Variants in SNTG1 observed in about 807,000 individuals in gnomAD.
The protein encoded by SNTG1 is gamma-1-syntrophin.
SNTG1 carries 39 observed loss-of-function variants against 74.7 expected under a neutral mutation model. That is an observed-to-expected ratio of 0.52 (90% confidence interval 0.40 to 0.68). The LOEUF (loss-of-function observed/expected upper bound fraction) is 0.68. SNTG1 is among the 30% of genes least tolerant of loss of function. The pLI is 0.00. For missense variants in SNTG1, 685 were observed against 609.5 expected, an observed-to-expected ratio of 1.12 and a Z score of -1.30; for synonymous variants, 254 against 217.1, an observed-to-expected ratio of 1.17 and a Z score of -1.49.
At chr8:50,764,659 T>C (rs954974483) in intron 18 of SNTG1, among the ~76,000 whole-genome samples, 9 of 151,950 alleles carry the variant, frequency 5.9e-5, no homozygotes, top group African/African-American at 1.7e-4. Context: ...AGGGAACCCC[T>C]GTATGCTGTT....
At chr8:50,000,515 G>T (rs1814645895) in intron 1 of SNTG1, among the ~76,000 whole-genome samples, 1 of 151,912 alleles carries the variant, frequency 6.6e-6, no homozygotes, top group Non-Finnish European at 1.5e-5. Context: ...CAATGTAAAG[G>T]GTGTTTAAAG....
chr8:50,111,895 TA>T (rs2080607147), intron 1 of SNTG1, among the ~76,000 whole-genome samples: 1 of 151,958 alleles, frequency 6.6e-6, no homozygotes, highest in African/African-American at 2.4e-5. Flanking sequence ...CTTTCAGAGT[TA>T]AAAAACTCAC....
chr8:50,196,259 C>G (rs1334464623), intron 2 of SNTG1, among the ~76,000 whole-genome samples: 1 of 152,008 alleles, frequency 6.6e-6, no homozygotes. Context: ...ACAGAAGACC[C>G]TGATTTGCCA....
At chr8:50,523,217 T>C (rs1049521941) in intron 9 of SNTG1, among the ~76,000 whole-genome samples, 1 of 152,198 alleles carries the variant, frequency 6.6e-6, no homozygotes, top group Non-Finnish European at 1.5e-5. Flanking sequence ...GATGGATTGA[T>C]CTATCCAGGC....
intron 13 of SNTG1, among the ~76,000 whole-genome samples, chr8:50,603,294 A>G (rs897871771): frequency 1.6e-4 from 25 of 152,076 alleles, no homozygotes; most frequent in African/African-American, 5.1e-4. Context: ...CTATTAAGAC[A>G]CTCTGATGCA....
intron 11 of SNTG1, among the ~76,000 whole-genome samples, chr8:50,540,402 A>G (rs1479375306): frequency 6.6e-6 from 1 of 152,040 alleles, no homozygotes; most frequent in Admixed American, 6.6e-5. Context: ...TTGAGGCTTG[A>G]TTTTACTCAG....
chr8:50,041,955 G>A (rs1314578167), intron 1 of SNTG1, among the ~76,000 whole-genome samples: 1 of 151,978 alleles, frequency 6.6e-6, no homozygotes, highest in Non-Finnish European at 1.5e-5. Context: ...TCTCTATCTT[G>A]TCTTATATAG....
At chr8:50,658,270 AT>A (rs1334116247) in intron 14 of SNTG1, among the ~76,000 whole-genome samples, 1 of 151,840 alleles carries the variant, frequency 6.6e-6, no homozygotes, top group Non-Finnish European at 1.5e-5. Flanking sequence ...TAAAAAAAAA[AT>A]ATGAGTGTGG....
At chr8:50,086,426 C>T (rs930968197) in intron 1 of SNTG1, among the ~76,000 whole-genome samples, 2 of 152,052 alleles carry the variant, frequency 1.3e-5, no homozygotes, top group African/African-American at 4.8e-5. Flanking sequence ...CACAAGGCCA[C>T]AGAAGGGATA....
chr8:50,262,356 A>G (rs907393367), intron 2 of SNTG1, among the ~76,000 whole-genome samples: 5 of 152,218 alleles, frequency 3.3e-5, no homozygotes, highest in Non-Finnish European at 4.4e-5. Flanking sequence ...ACAAAAATCA[A>G]TACAATTATA....
intron 1 of SNTG1, among the ~76,000 whole-genome samples, chr8:49,950,019 T>G (rs542690673): frequency 6.6e-6 from 1 of 152,084 alleles, no homozygotes; most frequent in Non-Finnish European, 1.5e-5. Flanking sequence ...CCCAGCTACT[T>G]GGGATGCTGA....
Position 50,030,097 on chromosome 8 carries a change from C to A in SNTG1, c.-103+117866C>A, listed in dbSNP as rs142566600. ...TTTTCTTTTGCATTTCTCTAATAAC[C>A]AATGATGTTGAACAATTTTTCATAT... On this transcript the variant is annotated intron_variant, in intron 1 of 18. Coordinates refer to ENST00000642720, the MANE Select transcript of SNTG1 (RefSeq NM_018967.5). Among the ~76,000 whole-genome samples, 469 of 152,156 alleles carry A rather than the reference C, an allele frequency of 3.1e-3. 3 individuals are homozygous for A. The highest frequency in any genetic ancestry group is 4.5e-3 in the Non-Finnish European group (308 of 67,954).
Position 50,701,035 on chromosome 8 carries a change from T to C in SNTG1, c.1039-3565T>C, listed in dbSNP as rs552483063. Among the ~76,000 whole-genome samples, 453 of 152,278 alleles carry C rather than the reference T, an allele frequency of 3.0e-3. 3 individuals carry two copies. The highest frequency in any genetic ancestry group is 0.011 in the African/African-American group (438 of 41,560). ...GTTTTGCTAAGAGAATAGAAAATCTTACATGAAGTCCATTTTAAGATCCTA... is the reference window on the plus strand; with the variant it reads ...GTTTTGCTAAGAGAATAGAAAATCTCACATGAAGTCCATTTTAAGATCCTA... On this transcript the variant is annotated intron_variant, in intron 15 of 18. Coordinates refer to ENST00000642720, the MANE Select transcript of SNTG1 (RefSeq NM_018967.5).
intron 13 of SNTG1, among the ~76,000 whole-genome samples, chr8:50,641,734 C>A (rs2131175901): frequency 6.6e-6 from 1 of 152,328 alleles, no homozygotes; most frequent in Middle Eastern, 3.4e-3. Context: ...GCATTTGACA[C>A]AGCTAGTCGC....
intron 2 of SNTG1, among the ~76,000 whole-genome samples, chr8:50,225,178 T>C (rs1249861258): frequency 2.0e-5 from 3 of 152,116 alleles, no homozygotes; most frequent in East Asian, 1.9e-4. Context: ...TTCACCATGT[T>C]AGACAGGATG....
intron 2 of SNTG1, among the ~76,000 whole-genome samples, chr8:50,285,071 G>A (rs550526598): frequency 5.9e-5 from 9 of 152,190 alleles, no homozygotes; most frequent in African/African-American, 2.2e-4. Flanking sequence ...AAGTAGATGA[G>A]AAGGTATCTA....
At chr8:50,436,454 T>C (rs1234935612) in intron 4 of SNTG1, among the ~76,000 whole-genome samples, 4 of 152,186 alleles carry the variant, frequency 2.6e-5, no homozygotes, top group Non-Finnish European at 5.9e-5. Context: ...ATTGTGTGTG[T>C]GTGCGTGCAT....
At chr8:50,496,285 C>T (rs1311280882) in intron 8 of SNTG1, among the ~76,000 whole-genome samples, 1 of 152,096 alleles carries the variant, frequency 6.6e-6, no homozygotes, top group Non-Finnish European at 1.5e-5. Flanking sequence ...TACTTGATTC[C>T]CTGACATCAT....
intron 1 of SNTG1, among the ~76,000 whole-genome samples, chr8:50,141,736 T>A (rs1406762165): frequency 6.6e-6 from 1 of 152,118 alleles, no homozygotes; most frequent in Non-Finnish European, 1.5e-5. Context: ...TTACAACATG[T>A]TGTATAAATG....
Sources: gnomAD v4.1 joint callset for allele counts (sites outside exome capture counted in the v4.1 genomes callset) on GRCh38, gnomAD v4.1.1 for gene constraint, MANE v1.5 for transcripts, NCBI Gene and HGNC (gene_info 2026-07-23, HGNC 2026-07-21) for gene names.